SGSM1: variants seen among roughly 807,000 people sequenced by gnomAD.
SGSM1 encodes RUN and TBC1 domain containing 2.
In SGSM1, 73 loss-of-function variants were observed where a neutral mutation model predicts 133.8. The observed-to-expected ratio is 0.55, with a 90% CI of 0.45 to 0.66. The LOEUF is 0.66. Among genes scored for constraint, SGSM1 ranks in the 30% least tolerant of loss-of-function variants. SGSM1 has a pLI of 0.00. For synonymous variants in SGSM1, 563 were observed against 573.0 expected (o/e 0.98, Z 0.25); for missense variants, 1,213 against 1,448.1 (o/e 0.84, Z 2.64).
intron 12 of SGSM1, chr22:24,874,545 T>TC (rs1931932536): frequency 6.2e-7 from 1 of 1,610,444 alleles, no homozygotes; most frequent in Non-Finnish European, 8.5e-7. Flanking sequence ...GGGACACTAC[T>TC]CTCCCCACGC....
At position 24,824,291 on chromosome 22, in the gene SGSM1, G is replaced by A. The variant is rs376431234; in HGVS notation, c.63+17807G>A. On this transcript the variant is annotated intron_variant, in intron 2 of 24. Coordinates refer to ENST00000400358, the MANE Select transcript of SGSM1 (RefSeq NM_001098497.3). ...TGGGAGTCACCTGGGTCACACAGAA[G>A]GAATGGCACATGTGACCAGAGCCTA... 1.1e-4 allele frequency among the ~76,000 whole-genome samples: 16 copies of A among 152,322 alleles called. No homozygotes were observed. The East Asian group carries it at 2.5e-3, about 24-fold the overall frequency.
intron 9 of SGSM1, among the ~76,000 whole-genome samples, chr22:24,860,048 G>A (rs1450249296): frequency 6.6e-6 from 1 of 152,152 alleles, no homozygotes; most frequent in Non-Finnish European, 1.5e-5. Context: ...AAACCAACTG[G>A]AAGAGTCTTA....
At chr22:24,865,469 C>T (rs549752215) in intron 9 of SGSM1, among the ~76,000 whole-genome samples, 1 of 152,228 alleles carries the variant, frequency 6.6e-6, no homozygotes, top group Non-Finnish European at 1.5e-5. Flanking sequence ...GAAGGGCTTT[C>T]AAAGAGAAAA....
At chr22:24,890,977 C>T (rs571510542) in intron 16 of SGSM1, among the ~76,000 whole-genome samples, 6 of 152,234 alleles carry the variant, frequency 3.9e-5, no homozygotes, top group South Asian at 2.1e-4. Context: ...CTGCCATAAA[C>T]GAGAAGCCAG....
intron 4 of SGSM1, among the ~76,000 whole-genome samples, chr22:24,849,245 A>AT (rs1368815672): frequency 5.7e-4 from 81 of 140,958 alleles, no homozygotes; most frequent in African/African-American, 1.9e-3. Context: ...TAAGTATTTT[A>AT]TTAAAAAAAA....
At chr22:24,860,920 AAAATATATATAT>A (rs1415618190) in intron 9 of SGSM1, among the ~76,000 whole-genome samples, 5 of 63,402 alleles carry the variant, frequency 7.9e-5, no homozygotes, top group Non-Finnish European at 1.3e-4. Flanking sequence ...AAAAAAAAAA[AAAATATATATAT>A]ATATATATAT....
At chr22:24,920,636 T>C (rs1385025774) in intron 24 of SGSM1, among the ~76,000 whole-genome samples, 1 of 152,084 alleles carries the variant, frequency 6.6e-6, no homozygotes, top group Non-Finnish European at 1.5e-5. Context: ...GCCACTGTTA[T>C]CACTATTTAA....
chr22:24,840,445 G>A (rs561971937), intron 2 of SGSM1, among the ~76,000 whole-genome samples: 3 of 152,146 alleles, frequency 2.0e-5, no homozygotes, highest in East Asian at 3.9e-4. Flanking sequence ...CCGGGTTCAA[G>A]CAATTCTCCC....
chr22:24,898,337 G>A lies in SGSM1; in HGVS notation c.2388G>A (p.Met796Ile). The A allele has an allele frequency of 6.2e-7, 1 of 1,613,926 alleles. No homozygotes were observed. Among genetic ancestry groups the A allele is most frequent in the Non-Finnish European group, 8.5e-7 (1 of 1,179,870 alleles). The change falls in exon 19 of 25, where the codon ATG (methionine) becomes ATA (isoleucine). Residue 796 changes from methionine to isoleucine, a missense_variant. By Grantham distance (10) the Met-to-Ile change is conservative (BLOSUM62 1). Coordinates refer to ENST00000400358, the MANE Select transcript of SGSM1 (RefSeq NM_001098497.3). ...CCAACGAGAGCATGGACGAGTTCAT[G>A]TCCATCACGGGCAGCCTGGACATGG... ...LLANESMDEF[M>I]SITGSLDMAL...
At chr22:24,846,863 C>T (rs961333407) in intron 3 of SGSM1, among the ~76,000 whole-genome samples, 2 of 149,800 alleles carry the variant, frequency 1.3e-5, no homozygotes, top group Non-Finnish European at 3.0e-5. Context: ...TTTTTTGAGA[C>T]GGAGTCTCGC....
intron 2 of SGSM1, among the ~76,000 whole-genome samples, chr22:24,819,890 A>G (rs1311382736): frequency 6.6e-6 from 1 of 152,176 alleles, no homozygotes; most frequent in Non-Finnish European, 1.5e-5. Flanking sequence ...CGTTTTCTGC[A>G]GCTGCCCAAA....
At chr22:24,912,872 C>T in intron 22 of SGSM1, 120 bp downstream of exon 22, 1 of 651,712 alleles carries the variant, frequency 1.5e-6, no homozygotes, top group South Asian at 2.0e-5. Flanking sequence ...TGTATTTCTG[C>T]CATACAAACT....
At chr22:24,836,817 A>G (rs773891185) in intron 2 of SGSM1, among the ~76,000 whole-genome samples, 1 of 152,248 alleles carries the variant, frequency 6.6e-6, no homozygotes, top group African/African-American at 2.4e-5. Flanking sequence ...TATTCTGGAC[A>G]TTAACCCTTT....
intron 13 of SGSM1, among the ~76,000 whole-genome samples, chr22:24,877,705 A>G (rs1601946963): frequency 6.6e-6 from 1 of 152,030 alleles, no homozygotes; most frequent in East Asian, 1.9e-4. Flanking sequence ...TCTCATCCCA[A>G]ACTTCCTGAA....
intron 2 of SGSM1, among the ~76,000 whole-genome samples, chr22:24,840,023 A>G (rs1168192634): frequency 1.4e-5 from 2 of 148,116 alleles, no homozygotes; most frequent in Admixed American, 1.4e-4. Context: ...GCTCACTGCA[A>G]GCTCCGCCTC....
chr22:24,845,940 CTTTTCTTTCTT>C (rs1930080567), intron 3 of SGSM1, among the ~76,000 whole-genome samples: 1 of 130,718 alleles, frequency 7.7e-6, no homozygotes, highest in Non-Finnish European at 1.6e-5. Flanking sequence ...CTTTTCTTTT[CTTTTCTTTCTT>C]TCTTTCTTTC....
intron 22 of SGSM1, among the ~76,000 whole-genome samples, chr22:24,915,689 G>T (rs909382653): frequency 1.3e-5 from 2 of 152,118 alleles, no homozygotes; most frequent in East Asian, 3.8e-4. Flanking sequence ...TTTATCCTTT[G>T]TGCTCCAAAC....
chr22:24,923,065 G>A (rs1934069116), intron 24 of SGSM1, among the ~76,000 whole-genome samples: 1 of 152,096 alleles, frequency 6.6e-6, no homozygotes, highest in South Asian at 2.1e-4. Context: ...TTGAGCTTGG[G>A]AGGTGGAGGT....
At chr22:24,869,813 G>T (rs567693332) in intron 12 of SGSM1, among the ~76,000 whole-genome samples, 2 of 152,154 alleles carry the variant, frequency 1.3e-5, no homozygotes, top group Non-Finnish European at 2.9e-5. Context: ...ACACAGATGC[G>T]CAGCAAATGG....
Sources: gnomAD v4.1 joint callset for allele counts (sites outside exome capture counted in the v4.1 genomes callset) on GRCh38, gnomAD v4.1.1 for gene constraint, MANE v1.5 for transcripts, NCBI Gene and HGNC (gene_info 2026-07-23, HGNC 2026-07-21) for gene names.